NAA16: variants seen among roughly 807,000 people sequenced by gnomAD.
NAA16 encodes the protein N-alpha-acetyltransferase 16, NatA auxiliary subunit.
In NAA16, 97 loss-of-function variants were observed where a neutral mutation model predicts 110.3. The observed-to-expected ratio is 0.88, with a 90% confidence interval of 0.75 to 1.04. The LOEUF (loss-of-function observed/expected upper bound fraction) is 1.04. Among genes scored for constraint, NAA16 ranks in the 50% least tolerant of loss-of-function variants. NAA16 has a pLI of 0.00. For missense variants in NAA16, 1,017 were observed against 1,005.1 expected (o/e 1.01, Z -0.16); for synonymous variants, 372 against 330.6 (o/e 1.13, Z -1.36).
At chr13:41,316,244 C>T (rs1306117711) in intron 1 of NAA16, among the ~76,000 whole-genome samples, 1 of 152,084 alleles carries the variant, frequency 6.6e-6, no homozygotes, top group African/African-American at 2.4e-5. Flanking sequence ...ATTCTCCTGC[C>T]TCAGCCACCC....
chr13:41,311,363 C>G lies in NAA16; in HGVS notation c.-166C>G. The G allele has an allele frequency of 3.2e-6, 2 of 632,496 alleles. No homozygotes were observed. The highest frequency in any genetic ancestry group is 5.5e-6 in the Non-Finnish European group (2 of 364,254). The allele number at this position is 632,496 out of a possible 1,614,324, so 39.2% of individuals were successfully genotyped here. A position where few individuals can be genotyped will look rare whatever the true frequency, so the allele number is the denominator to read the frequency against. ...ACCGCCTTCCTTCTCCATTGCCACC[C>G]GTGCCGAACAGCCAGGCTGCCCAAT... On this transcript the variant is annotated 5_prime_UTR_variant, in exon 1 of 20. Coordinates refer to ENST00000379406, the MANE Select transcript of NAA16 (RefSeq NM_024561.5).
At chr13:41,358,573 A>C (rs369384312) in intron 11 of NAA16, 100 bp downstream of exon 11, 1 of 1,509,184 alleles carries the variant, frequency 6.6e-7, no homozygotes, top group African/African-American at 1.4e-5. Context: ...GGGCACCCTG[A>C]TAATCTTTTT....
At chr13:41,355,043 T>C (rs916658442) in intron 9 of NAA16, 101 bp from the exon 10 acceptor site, 2 of 690,004 alleles carry the variant, frequency 2.9e-6, no homozygotes, top group Middle Eastern at 4.0e-4. Context: ...TTTATAGTTC[T>C]GAAATAAGCT....
chr13:41,353,109 C>T (rs2042881780), intron 9 of NAA16, among the ~76,000 whole-genome samples: 1 of 111,792 alleles, frequency 8.9e-6, no homozygotes, highest in East Asian at 2.6e-4. Context: ...AGCGAGACTC[C>T]ATCTCAAAAC....
Position 41,372,719 on chromosome 13 carries a change from T to C in NAA16, c.2057-13T>C. 6.3e-7 allele frequency: 1 copy of C among 1,584,240 alleles called. No individual in the cohort carries two copies. Reference sequence around the variant, plus strand: ...GTATTAATGCTATTACTTTTGTATTTTTTCTGACACAGGAAAGTTTCTGTT... The same window carrying C: ...GTATTAATGCTATTACTTTTGTATTCTTTCTGACACAGGAAAGTTTCTGTT... On this transcript the variant is annotated splice_polypyrimidine_tract_variant and intron_variant, in intron 16 of 19. Coordinates refer to ENST00000379406, the MANE Select transcript of NAA16 (RefSeq NM_024561.5).
At chr13:41,353,492 T>C (rs2042896361) in intron 9 of NAA16, among the ~76,000 whole-genome samples, 2 of 151,736 alleles carry the variant, frequency 1.3e-5, no homozygotes, top group Admixed American at 1.3e-4. Context: ...AGGCCAGGCA[T>C]GGTGGCTCAC....
chr13:41,325,776 T>A lies in NAA16; in HGVS notation c.616T>A (p.Leu206Met). 1 of 1,607,550 alleles carries A rather than the reference T, an allele frequency of 6.2e-7. No homozygotes were observed. Among genetic ancestry groups the A allele is most frequent in the South Asian group, 1.1e-5 (1 of 90,648 alleles). The change falls in exon 6 of 20, where the codon TTG (leucine) becomes ATG (methionine). Residue 206 changes from leucine (L) to methionine (M), a missense_variant. Physicochemically the swap from Leu to Met is conservative, Grantham distance 15. Transcript: ENST00000379406. ...TCAAGTGATGAGAGAGGCAGATCTGTTGCAGGAATCTTTGGAACATATAGA... is the reference window on the plus strand; with the variant it reads ...TCAAGTGATGAGAGAGGCAGATCTGATGCAGGAATCTTTGGAACATATAGA... Reference protein sequence around the residue: ...QNQVMREADLLQESLEHIEMY... With the variant: ...QNQVMREADLMQESLEHIEMY...
chr13:41,327,811 C>T (rs140230013), intron 6 of NAA16: 1 of 151,684 alleles, frequency 6.6e-6, no homozygotes, highest in African/African-American at 2.4e-5. Context: ...AAGGCACTTT[C>T]TCCACGTCAC....
intron 9 of NAA16, among the ~76,000 whole-genome samples, chr13:41,342,691 T>C (rs1311459517): frequency 6.6e-6 from 1 of 152,248 alleles, no homozygotes; most frequent in East Asian, 1.9e-4. Context: ...GTCTGAGTCA[T>C]AATGCCAACA....
At chr13:41,323,910 A>T (rs1055265762) in intron 5 of NAA16, among the ~76,000 whole-genome samples, 1 of 152,100 alleles carries the variant, frequency 6.6e-6, no homozygotes, top group African/African-American at 2.4e-5. Context: ...TCCTCTGTTT[A>T]TCTGTCATTT....
At chr13:41,325,322 C>G (rs1212027219) in intron 5 of NAA16, among the ~76,000 whole-genome samples, 4 of 152,078 alleles carry the variant, frequency 2.6e-5, no homozygotes, top group Admixed American at 6.5e-5. Context: ...GGTCTGGAAC[C>G]AAACCCACAA....
At chr13:41,354,886 A>AATT (rs2042940427) in intron 9 of NAA16, among the ~76,000 whole-genome samples, 2 of 112,452 alleles carry the variant, frequency 1.8e-5, no homozygotes, top group Non-Finnish European at 3.4e-5. Flanking sequence ...GGAGTGGTCC[A>AATT]TTTTTTTTTT....
intron 5 of NAA16, among the ~76,000 whole-genome samples, chr13:41,325,271 A>G (rs1042800210): frequency 4.5e-5 from 2 of 43,996 alleles, no homozygotes; most frequent in African/African-American, 2.3e-4. Context: ...ACTTACATGC[A>G]CTGGGAAACC....
chr13:41,365,175 C>T (rs1414836440), intron 13 of NAA16, among the ~76,000 whole-genome samples: 1 of 152,044 alleles, frequency 6.6e-6, no homozygotes, highest in Non-Finnish European at 1.5e-5. Context: ...TGTTGTGTAG[C>T]ATATTTTTGT....
rs543151654 is a variant in NAA16, at chr13:41,362,123, C to T, written c.1503C>T (p.Tyr501=). 20 of 1,605,180 alleles carry T rather than the reference C, an allele frequency of 1.2e-5. No homozygotes were observed. The highest frequency in any genetic ancestry group is 6.7e-5 in the African/African-American group (5 of 74,350). The part of the protein sequence containing the change: ...CISAYQRLGR[Y]GDALKKCHEV... ...CAGCTTATCAGCGTCTGGGGAGATACGGGGATGCCTTGAAAAAATGTCATG... is the reference window on the plus strand; with the variant it reads ...CAGCTTATCAGCGTCTGGGGAGATATGGGGATGCCTTGAAAAAATGTCATG... Residue 501 remains tyrosine, a synonymous_variant, in exon 13 of 20, where the codon TAC becomes TAT. Transcript: ENST00000379406.
chr13:41,368,457 C>T (rs2043249807), intron 14 of NAA16, among the ~76,000 whole-genome samples: 1 of 152,148 alleles, frequency 6.6e-6, no homozygotes, highest in Admixed American at 6.6e-5. Context: ...AACTGGGCTA[C>T]TATTGGTCAA....
At chr13:41,348,771 A>G (rs1440031148) in intron 9 of NAA16, among the ~76,000 whole-genome samples, 2 of 152,174 alleles carry the variant, frequency 1.3e-5, no homozygotes, top group Non-Finnish European at 2.9e-5. Flanking sequence ...CAGTGAAGTC[A>G]TATGGGCCTG....
intron 13 of NAA16, among the ~76,000 whole-genome samples, chr13:41,366,824 ATTTC>A (rs2043216746): frequency 6.6e-6 from 1 of 152,022 alleles, no homozygotes; most frequent in Non-Finnish European, 1.5e-5. Flanking sequence ...GGCTGTATGG[ATTTC>A]TTTATTCTTA....
At chr13:41,323,660 T>C (rs1335090364) in intron 5 of NAA16, among the ~76,000 whole-genome samples, 1 of 152,026 alleles carries the variant, frequency 6.6e-6, no homozygotes, top group Non-Finnish European at 1.5e-5. Context: ...CCATTTTTTT[T>C]TTTTTTAAGA....
Sources: gnomAD v4.1 joint callset for allele counts (sites outside exome capture counted in the v4.1 genomes callset) on GRCh38, gnomAD v4.1.1 for gene constraint, MANE v1.5 for transcripts, NCBI Gene and HGNC (gene_info 2026-07-23, HGNC 2026-07-21) for gene names.